The following GRIN2B variants were observed in gnomAD, a reference collection of about 807,000 sequenced individuals.
GRIN2B encodes the protein glutamate ionotropic receptor NMDA type subunit 2B.
A neutral mutation model predicts 114.5 loss-of-function variants in GRIN2B; 5 were observed. The ratio of observed to expected loss-of-function variants is 0.04; its 90% CI spans 0.02 to 0.09. The LOEUF is 0.09. GRIN2B is among the 10% of genes least tolerant of loss of function. The probability of loss-of-function intolerance (pLI) is 1.00; values close to 1 mark genes in which losing one functional copy is unlikely to be tolerated. For missense variants in GRIN2B, 1,108 were observed against 1,943.5 expected (o/e 0.57, Z 8.08); for synonymous variants, 787 against 745.1 (o/e 1.06, Z -0.92).
chr12:13,678,373 C>G (rs534917963), intron 4 of GRIN2B, among the ~76,000 whole-genome samples: 2 of 152,068 alleles, frequency 1.3e-5, no homozygotes, highest in African/African-American at 4.8e-5. Context: ...ATGGTGCCAT[C>G]GCTATTGGAG....
At chr12:13,675,177 C>T (rs1427113505) in intron 5 of GRIN2B, among the ~76,000 whole-genome samples, 1 of 152,078 alleles carries the variant, frequency 6.6e-6, no homozygotes, top group African/African-American at 2.4e-5. Context: ...AAAACTGAGG[C>T]ATCAAGTAGT....
chr12:13,691,984 T>A (rs1361794372), intron 4 of GRIN2B, among the ~76,000 whole-genome samples: 2 of 152,144 alleles, frequency 1.3e-5, no homozygotes, highest in Non-Finnish European at 2.9e-5. Context: ...TGAGTGAGAA[T>A]GTGTCTAAAG....
chr12:13,973,667 G>A (rs954370882), intron 2 of GRIN2B, among the ~76,000 whole-genome samples: 1 of 152,106 alleles, frequency 6.6e-6, no homozygotes, highest in Non-Finnish European at 1.5e-5. Context: ...AGTCAATGGT[G>A]GGAATTTACT....
At chr12:13,671,647 G>A (rs147390943) in intron 5 of GRIN2B, among the ~76,000 whole-genome samples, 4 of 152,296 alleles carry the variant, frequency 2.6e-5, no homozygotes, top group South Asian at 2.1e-4. Flanking sequence ...AGGAGGGGAA[G>A]TTACCTGTTC....
intron 3 of GRIN2B, among the ~76,000 whole-genome samples, chr12:13,774,053 A>G (rs970896975): frequency 2.0e-5 from 3 of 152,196 alleles, no homozygotes; most frequent in Non-Finnish European, 4.4e-5. Flanking sequence ...AAGCAGGCTG[A>G]CCCATGGCCT....
At chr12:13,893,826 T>TA (rs74598276) in intron 2 of GRIN2B, among the ~76,000 whole-genome samples, 16,497 of 151,544 alleles carry the variant, frequency 0.11, 1,576 homozygotes, top group East Asian at 0.43. Context: ...TGACTTTTTT[T>TA]AAAAAAAAGA....
chr12:13,910,151 C>G (rs1168617368), intron 2 of GRIN2B, among the ~76,000 whole-genome samples: 1 of 152,134 alleles, frequency 6.6e-6, no homozygotes, highest in Non-Finnish European at 1.5e-5. Context: ...TCCTGGGGCT[C>G]AGATCTTATT....
rs1196793824 is a variant in GRIN2B, at chr12:13,553,504, AAT to A, written c.*9277_*9278del. The A allele has an allele frequency of 6.6e-6, 1 of 152,224 alleles. No individual in the cohort carries two copies. Among genetic ancestry groups the A allele is most frequent in the Admixed American group, 6.5e-5 (1 of 15,286 alleles). 9.4% of individuals were successfully genotyped at this position (152,224 alleles called of 1,614,324 possible). ...GAGAAGCCAAAGAACTCAGGAAAGA[AAT>A]ATAAAGACAAGGTGGTGACCAGCAC... On this transcript the variant is annotated 3_prime_UTR_variant, in exon 14 of 14. Coordinates refer to ENST00000609686, the MANE Select transcript of GRIN2B (RefSeq NM_000834.5).
At chr12:13,835,876 G>A (rs1420854200) in intron 3 of GRIN2B, among the ~76,000 whole-genome samples, 1 of 151,672 alleles carries the variant, frequency 6.6e-6, no homozygotes, top group Non-Finnish European at 1.5e-5. Flanking sequence ...AAGGCAGCCA[G>A]GCATGCCTTT....
At chr12:13,800,277 C>G (rs1440615768) in intron 3 of GRIN2B, among the ~76,000 whole-genome samples, 1 of 152,116 alleles carries the variant, frequency 6.6e-6, no homozygotes, top group East Asian at 1.9e-4. Context: ...TGTTTCTTAG[C>G]CTCTACTTGC....
Position 13,578,582 on chromosome 12 carries a change from A to T in GRIN2B, c.2011-6618T>A, listed in dbSNP as rs112843133. Among the ~76,000 whole-genome samples the T allele has an allele frequency of 3.2e-3, 484 of 152,348 alleles. 3 individuals carry two copies. Among genetic ancestry groups the T allele is most frequent in the Non-Finnish European group, 3.7e-3 (250 of 68,028 alleles). On this transcript the variant is annotated intron_variant, in intron 10 of 13. Coordinates refer to ENST00000609686, the MANE Select transcript of GRIN2B (RefSeq NM_000834.5). ...GAATATCAGTCATGCTACATGAAGT[A>T]GAAGAATCACTCAGGCAAGCCCTAC...
rs3081918 is a variant in GRIN2B at position 13,605,520 on chromosome 12, G to GTCTCTCTCTCTCTCTCTCTCTC, written c.2010+3061_2010+3082dup. 3.1e-3 allele frequency among the ~76,000 whole-genome samples: 358 copies of GTCTCTCTCTCTCTCTCTCTCTC among 114,962 alleles called. 6 individuals are homozygous for GTCTCTCTCTCTCTCTCTCTCTC. The highest frequency in any genetic ancestry group is 4.5e-3 in the Middle Eastern group (1 of 222). 75.4% of individuals were successfully genotyped at this position (114,962 alleles called of 152,430 possible). On this transcript the variant is annotated intron_variant, in intron 10 of 13. Coordinates refer to ENST00000609686, the MANE Select transcript of GRIN2B (RefSeq NM_000834.5). ...GAAATTATTTGCAAAGGTCTTGAAA[G>GTCTCTCTCTCTCTCTCTCTCTC]TCTCTCTCTCTCTCTCTCTCTCTCT...
rs1394559313 is a variant in GRIN2B at position 13,537,553 on chromosome 12, T to C, written c.*25230A>G. On this transcript the variant is annotated 3_prime_UTR_variant, in exon 14 of 14. Coordinates refer to ENST00000609686, the MANE Select transcript of GRIN2B (RefSeq NM_000834.5). ...GGGTGACTGTCTGTGCTGTGAATAG[T>C]TGTCCATGGTGAGAGGAGAGTGACA... 2 of 152,134 alleles carry C rather than the reference T, an allele frequency of 1.3e-5. No individual in the cohort carries two copies. Among genetic ancestry groups the C allele is most frequent in the Non-Finnish European group, 2.9e-5 (2 of 68,032 alleles). 9.4% of individuals were successfully genotyped at this position (152,134 alleles called of 1,614,324 possible).
chr12:13,634,311 A>C (rs1020817293), intron 5 of GRIN2B: 1 of 152,234 alleles, frequency 6.6e-6, no homozygotes, highest in Non-Finnish European at 1.5e-5. Flanking sequence ...TGTATTAACT[A>C]TGGTAGGCTA....
At chr12:13,756,442 G>T (rs1208721169) in intron 3 of GRIN2B, among the ~76,000 whole-genome samples, 1 of 152,214 alleles carries the variant, frequency 6.6e-6, no homozygotes, top group Non-Finnish European at 1.5e-5. Flanking sequence ...CGACAGGAAA[G>T]GAAGGCCAGT....
At chr12:13,949,562 G>A (rs943128895) in intron 2 of GRIN2B, among the ~76,000 whole-genome samples, 5 of 152,124 alleles carry the variant, frequency 3.3e-5, no homozygotes, top group Non-Finnish European at 7.4e-5. Context: ...CAACTGTGAG[G>A]GACTCTATGG....
At chr12:13,918,947 T>G (rs1261263985) in intron 2 of GRIN2B, among the ~76,000 whole-genome samples, 1 of 152,208 alleles carries the variant, frequency 6.6e-6, no homozygotes, top group Non-Finnish European at 1.5e-5. Context: ...TTCAACTAAC[T>G]TATTTTCATT....
rs1408008133 is a variant in GRIN2B, at chr12:13,542,177, T to C, written c.*20606A>G. On this transcript the variant is annotated 3_prime_UTR_variant, in exon 14 of 14. Transcript: ENST00000609686. ...AAAAGAAAATACAAAATCAAAATGA[T>C]CTGTCAGAGAAAACTTTCATTTAGC... is the stretch of plus-strand genomic sequence containing the variant. 2.6e-5 allele frequency: 4 copies of C among 152,210 alleles called. No individual in the cohort carries two copies. The East Asian group carries it at 5.8e-4, about 22-fold the overall frequency. The allele number at this position is 152,210 out of a possible 1,614,324, so 9.4% of individuals were successfully genotyped here.
At chr12:13,861,615 G>C (rs1865753041) in intron 3 of GRIN2B, among the ~76,000 whole-genome samples, 1 of 152,172 alleles carries the variant, frequency 6.6e-6, no homozygotes, top group South Asian at 2.1e-4. Context: ...TTCCAGGTTA[G>C]AGATTTTCTT....
Sources: gnomAD v4.1 joint callset for allele counts (sites outside exome capture counted in the v4.1 genomes callset) on GRCh38, gnomAD v4.1.1 for gene constraint, MANE v1.5 for transcripts, NCBI Gene and HGNC (gene_info 2026-07-23, HGNC 2026-07-21) for gene names.